Variants in REXO2 observed in about 807,000 individuals in gnomAD.
REXO2 encodes RNA exonuclease 2.
REXO2 carries 17 observed loss-of-function variants against 30.9 expected under a neutral mutation model. The observed-to-expected ratio is 0.55, with a 90% CI of 0.38 to 0.82. The LOEUF is 0.82. Ranked by LOEUF, REXO2 falls within the 40% of genes least tolerant of loss-of-function variation. The pLI is 0.00. For missense variants in REXO2, 253 were observed against 293.2 expected, an observed-to-expected ratio of 0.86 and a Z score of 1.00; for synonymous variants, 105 against 99.6, an observed-to-expected ratio of 1.05 and a Z score of -0.32.
intron 1 of REXO2, 23 bp from the exon 2 acceptor site, chr11:114,440,633 T>TA: frequency 6.4e-7 from 1 of 1,555,074 alleles, no homozygotes; most frequent in South Asian, 1.1e-5. Context: ...TTGTGTGTGT[T>TA]ATATATTTAT....
chr11:114,443,537 CTT>C (rs1031602290), intron 2 of REXO2, among the ~76,000 whole-genome samples: 18 of 150,904 alleles, frequency 1.2e-4, no homozygotes, highest in African/African-American at 4.4e-4. Context: ...TTTAAACAAT[CTT>C]TTACAAATGT....
At chr11:114,445,763 C>T (rs1946506625) in intron 4 of REXO2, 1 of 450,182 alleles carries the variant, frequency 2.2e-6, no homozygotes, top group East Asian at 3.8e-5. Context: ...AGGTCATTTA[C>T]AAATTTATAA....
intron 3 of REXO2, 106 bp from the exon 4 acceptor site, chr11:114,444,435 T>G: frequency 1.3e-6 from 1 of 779,442 alleles, no homozygotes; most frequent in Non-Finnish European, 2.2e-6. Context: ...ATGGTCTATT[T>G]GTGGTTATAT....
chr11:114,442,697 AG>A (rs1364283882), intron 2 of REXO2, among the ~76,000 whole-genome samples: 1 of 152,164 alleles, frequency 6.6e-6, no homozygotes, highest in Non-Finnish European at 1.5e-5. Context: ...CTATGAGGGA[AG>A]GGGTACAGTT....
Position 114,450,120 on chromosome 11 carries a change from AT to A in REXO2, c.*150del. ...TCAAGCAGACAGCACACGAAATACT[AT>A]TTTTCTCCTAATATGCTGTTTCCAT... On this transcript the variant is annotated 3_prime_UTR_variant, in exon 7 of 7. Coordinates refer to ENST00000265881, the MANE Select transcript of REXO2 (RefSeq NM_015523.4). 1 of 737,338 alleles carries A rather than the reference AT, an allele frequency of 1.4e-6. No homozygotes were observed. The highest frequency in any genetic ancestry group is 1.9e-5 in the South Asian group (1 of 51,658). The allele number at this position is 737,338 out of a possible 1,614,324, so 45.7% of individuals were successfully genotyped here.
chr11:114,447,816 C>CTG lies in REXO2; in HGVS notation c.531-6_531-5dup. 3 of 1,609,736 alleles carry CTG rather than the reference C, an allele frequency of 1.9e-6. No homozygotes were observed. The highest frequency in any genetic ancestry group is 2.5e-6 in the Non-Finnish European group (3 of 1,178,090). ...GCTTCCTTTGAGAGTTCCATTTCTG[C>CTG]TGTGTATAGACGCTGGTATCCAGAA... On this transcript the variant is annotated splice_polypyrimidine_tract_variant and intron_variant, in intron 5 of 6. Transcript: ENST00000265881.
chr11:114,443,425 C>T (rs955575423), intron 2 of REXO2, among the ~76,000 whole-genome samples: 18 of 151,948 alleles, frequency 1.2e-4, no homozygotes, highest in African/African-American at 4.4e-4. Context: ...TCAAAATGAA[C>T]TCATAATCAA....
In REXO2 at chr11:114,439,513, C is replaced by CT. The variant is rs1211964019; in HGVS notation, c.-15dup. On this transcript the variant is annotated 5_prime_UTR_variant, in exon 1 of 7. Coordinates refer to ENST00000265881, the MANE Select transcript of REXO2 (RefSeq NM_015523.4). ...GCCGGCTGCGAGACTGGGGCCGTGG[C>CT]TGCTGGTCCCGGGTGATGCTAGGCG... 1.9e-6 allele frequency: 3 copies of CT among 1,602,844 alleles called. No homozygotes were observed. The highest frequency in any genetic ancestry group is 2.5e-6 in the Non-Finnish European group (3 of 1,178,766).
chr11:114,450,002 C>T lies in REXO2; in HGVS notation c.*27C>T, dbSNP rs766484353. 9 of 1,561,506 alleles carry T rather than the reference C, an allele frequency of 5.8e-6. No individual in the cohort carries two copies. The East Asian group carries it at 7.0e-5, about 12-fold the overall frequency. On this transcript the variant is annotated 3_prime_UTR_variant, in exon 7 of 7. Coordinates refer to ENST00000265881, the MANE Select transcript of REXO2 (RefSeq NM_015523.4). Reference sequence around the variant, plus strand: ...GCCAGTTATCATGCTGCCACTACATCGTTATCTGGAGGCAACTTCTGGTGG... The same window carrying T: ...GCCAGTTATCATGCTGCCACTACATTGTTATCTGGAGGCAACTTCTGGTGG...
intron 6 of REXO2, among the ~76,000 whole-genome samples, chr11:114,449,562 G>A (rs750920489): frequency 8.5e-5 from 13 of 152,078 alleles, no homozygotes; most frequent in South Asian, 4.1e-4. Flanking sequence ...TTATTTGACC[G>A]TGGAATTATT....
chr11:114,442,689 A>G (rs538717024), intron 2 of REXO2, among the ~76,000 whole-genome samples: 1 of 152,154 alleles, frequency 6.6e-6, no homozygotes, highest in Admixed American at 6.6e-5. Context: ...TAACATTTCT[A>G]TGAGGGAAGG....
At position 114,450,077 on chromosome 11, in the gene REXO2, C is replaced by G. The variant is rs1198647668; in HGVS notation, c.*102C>G. ...TGGCAGAGCACCTTCGGTTAACTTG[C>G]ATCTCCAGATTGATTACTCAAGCAG... On this transcript the variant is annotated 3_prime_UTR_variant, in exon 7 of 7. Coordinates refer to ENST00000265881, the MANE Select transcript of REXO2 (RefSeq NM_015523.4). 2 of 1,190,490 alleles carry G rather than the reference C, an allele frequency of 1.7e-6. No homozygotes were observed. The highest frequency in any genetic ancestry group is 2.4e-6 in the Non-Finnish European group (2 of 849,256). 73.7% of individuals were successfully genotyped at this position (1,190,490 alleles called of 1,614,324 possible).
chr11:114,443,808 G>A (rs1946495549), intron 2 of REXO2, 48 bp from the exon 3 acceptor site: 2 of 1,377,776 alleles, frequency 1.5e-6, no homozygotes, highest in South Asian at 1.2e-5. Flanking sequence ...CTGAAAGTAA[G>A]GTTATTCCTG....
chr11:114,445,946 T>C (rs1946507499), intron 4 of REXO2, 33 bp from the exon 5 acceptor site: 4 of 1,093,260 alleles, frequency 3.7e-6, no homozygotes, highest in African/African-American at 1.5e-5. Context: ...ATACTAGAAA[T>C]ATAGAGATGC....
chr11:114,444,657 A>T lies in REXO2; in HGVS notation c.421+5A>T. 1 of 1,555,558 alleles carries T rather than the reference A, an allele frequency of 6.4e-7. No homozygotes were observed. The highest frequency in any genetic ancestry group is 8.7e-7 in the Non-Finnish European group (1 of 1,148,748). On this transcript the variant is annotated splice_donor_5th_base_variant and intron_variant, in intron 4 of 6. Transcript: ENST00000265881. The stretch of plus-strand genomic sequence containing the variant: ...CAGGGCTCTGTCCACTTGCAGGTAA[A>T]ATCCAATCCTGTGTATATCTTATAG...
intron 4 of REXO2, chr11:114,445,054 G>GA (rs145909170): frequency 0.14 from 21,664 of 152,930 alleles, 1,663 homozygotes; most frequent in Middle Eastern, 0.3. Flanking sequence ...CATCTCCTAA[G>GA]ATAAAGACAT....
chr11:114,441,037 A>T (rs1056367784), intron 2 of REXO2: 1 of 242,520 alleles, frequency 4.1e-6, no homozygotes, highest in African/African-American at 2.3e-5. Flanking sequence ...TGTGCTTTAT[A>T]TGTCTTTGTT....
chr11:114,439,880 C>G, intron 1 of REXO2: 1 of 612,534 alleles, frequency 1.6e-6, no homozygotes, highest in Non-Finnish European at 2.8e-6. Context: ...GGGCTTCTTT[C>G]CACAAGGGAG....
intron 5 of REXO2, among the ~76,000 whole-genome samples, chr11:114,446,933 CTTTTTTTTTTT>C (rs539152554): frequency 4.2e-5 from 4 of 94,372 alleles, no homozygotes; most frequent in African/African-American, 1.7e-4. Context: ...AGAAAGGAGG[CTTTTTTTTTTT>C]TTTTTTTTTT....
Sources: allele counts gnomAD v4.1 joint callset (sites outside exome capture counted in the v4.1 genomes callset), GRCh38; gene constraint gnomAD v4.1.1; transcripts MANE v1.5; gene names NCBI Gene and HGNC (gene_info 2026-07-23, HGNC 2026-07-21).